The following SLC44A5 variants were observed in gnomAD, a reference collection of about 807,000 sequenced individuals.
The protein encoded by SLC44A5 is solute carrier family 44 member 5.
SLC44A5 carries 57 observed loss-of-function variants against 101.8 expected under a neutral mutation model. The observed-to-expected ratio is 0.56, with a 90% confidence interval of 0.45 to 0.70. The LOEUF (loss-of-function observed/expected upper bound fraction) is 0.70, where lower values mean the gene tolerates loss of function less well. SLC44A5 is among the 30% of genes least tolerant of loss of function. SLC44A5 has a pLI of 0.00. For synonymous variants in SLC44A5, 281 were observed against 290.9 expected (o/e 0.97, Z 0.35); for missense variants, 737 against 853.1 (o/e 0.86, Z 1.70).
At chr1:75,306,656 C>T (rs1259868750) in intron 4 of SLC44A5, among the ~76,000 whole-genome samples, 1 of 151,486 alleles carries the variant, frequency 6.6e-6, no homozygotes, top group African/African-American at 2.4e-5. Context: ...TATTCTCCAA[C>T]AACTGTCATT....
chr1:75,359,984 C>A (rs1348272620), intron 3 of SLC44A5, among the ~76,000 whole-genome samples: 1 of 152,122 alleles, frequency 6.6e-6, no homozygotes, highest in Non-Finnish European at 1.5e-5. Context: ...AATGTCTGTT[C>A]AGGTCCTTTC....
intron 2 of SLC44A5, among the ~76,000 whole-genome samples, chr1:75,475,225 T>C (rs1186300279): frequency 6.6e-6 from 1 of 152,226 alleles, no homozygotes; most frequent in African/African-American, 2.4e-5. Flanking sequence ...ATGTCCTCTT[T>C]CTAGATGTCC....
chr1:75,250,543 G>T (rs1649482887), intron 7 of SLC44A5, among the ~76,000 whole-genome samples: 1 of 152,118 alleles, frequency 6.6e-6, no homozygotes, highest in Admixed American at 6.6e-5. Flanking sequence ...GGGTCAAATG[G>T]TATTTCTGTC....
intron 6 of SLC44A5, among the ~76,000 whole-genome samples, chr1:75,255,678 C>T (rs1268334404): frequency 6.6e-6 from 1 of 152,034 alleles, no homozygotes; most frequent in African/African-American, 2.4e-5. Context: ...GATTAAAGGA[C>T]TTACTAAGGA....
the SLC44A5 span, among the ~76,000 whole-genome samples, chr1:75,646,689 T>A: frequency 6.6e-6 from 1 of 152,134 alleles, no homozygotes; most frequent in Non-Finnish European, 1.5e-5. Context: ...AGGGGCTTTT[T>A]CCCCTTTTGC....
At chr1:75,295,736 T>C (rs945995470) in intron 5 of SLC44A5, among the ~76,000 whole-genome samples, 1 of 152,140 alleles carries the variant, frequency 6.6e-6, no homozygotes, top group Non-Finnish European at 1.5e-5. Context: ...AGATGAGCAA[T>C]GGACTATGAA....
chr1:75,420,119 C>T (rs1330288741), intron 2 of SLC44A5, among the ~76,000 whole-genome samples: 1 of 151,976 alleles, frequency 6.6e-6, no homozygotes, highest in African/African-American at 2.4e-5. Flanking sequence ...CCTATGAAAA[C>T]ACAGTGAGAA....
chr1:75,314,048 T>C (rs748683104), intron 4 of SLC44A5, among the ~76,000 whole-genome samples: 1 of 152,230 alleles, frequency 6.6e-6, no homozygotes, highest in East Asian at 1.9e-4. Context: ...TTAATTTCCC[T>C]TAAATGTATT....
intron 23 of SLC44A5, among the ~76,000 whole-genome samples, chr1:75,206,894 A>G (rs992348143): frequency 1.7e-4 from 26 of 152,054 alleles, no homozygotes; most frequent in African/African-American, 6.3e-4. Context: ...AGAAACCTCA[A>G]CCTCTGCCAG....
At chr1:75,665,019 A>G in the SLC44A5 span, among the ~76,000 whole-genome samples, 15 of 152,152 alleles carry the variant, frequency 9.9e-5, no homozygotes, top group Admixed American at 9.8e-4. Flanking sequence ...TATTATTAAA[A>G]TGGCCATACT....
intron 6 of SLC44A5, among the ~76,000 whole-genome samples, chr1:75,272,628 C>A (rs1274370220): frequency 6.6e-6 from 1 of 152,006 alleles, no homozygotes; most frequent in Non-Finnish European, 1.5e-5. Flanking sequence ...TTTCCTAGCA[C>A]CATTTATTGA....
At chr1:75,479,010 T>C (rs1363522105) in intron 2 of SLC44A5, among the ~76,000 whole-genome samples, 1 of 152,188 alleles carries the variant, frequency 6.6e-6, no homozygotes, top group Non-Finnish European at 1.5e-5. Context: ...AGTAAAGCTG[T>C]CCTCAGCAAA....
intron 5 of SLC44A5, among the ~76,000 whole-genome samples, chr1:75,298,755 T>C (rs1654193170): frequency 6.6e-6 from 1 of 152,190 alleles, no homozygotes; most frequent in African/African-American, 2.4e-5. Flanking sequence ...GCCATGGAAA[T>C]AATATTGTAA....
the SLC44A5 span, among the ~76,000 whole-genome samples, chr1:75,711,848 G>A: frequency 6.6e-6 from 1 of 152,160 alleles, no homozygotes; most frequent in African/African-American, 2.4e-5. Context: ...TTGTCTCTCA[G>A]GCATCTCCTT....
intron 2 of SLC44A5, among the ~76,000 whole-genome samples, chr1:75,484,605 G>A (rs532921432): frequency 3.3e-5 from 5 of 152,294 alleles, no homozygotes; most frequent in African/African-American, 1.2e-4. Flanking sequence ...CCATTCTAGG[G>A]TCTGGAGGAT....
intron 14 of SLC44A5, among the ~76,000 whole-genome samples, chr1:75,220,262 G>T (rs1466670560): frequency 2.6e-5 from 4 of 152,020 alleles, no homozygotes; most frequent in Non-Finnish European, 5.9e-5. Context: ...ACTAATTCAA[G>T]AATCCCCTAT....
chr1:75,629,437 G>A, the SLC44A5 span, among the ~76,000 whole-genome samples: 8 of 152,140 alleles, frequency 5.3e-5, no homozygotes, highest in Non-Finnish European at 8.8e-5. Context: ...TCAGTGTAAT[G>A]AATATAAACT....
intron 2 of SLC44A5, among the ~76,000 whole-genome samples, chr1:75,499,350 A>ACTGC (rs1248793828): frequency 6.6e-6 from 1 of 152,210 alleles, no homozygotes; most frequent in Non-Finnish European, 1.5e-5. Context: ...TGCAGTTCAC[A>ACTGC]ACAGGGTTTG....
chr1:75,233,870 A>T, intron 12 of SLC44A5, 116 bp downstream of exon 12: 1 of 745,486 alleles, frequency 1.3e-6, no homozygotes, highest in Non-Finnish European at 2.2e-6. Flanking sequence ...AGCTTTTTTG[A>T]GGGTAAAGAA....
Sources: gnomAD v4.1 joint callset for allele counts (sites outside exome capture counted in the v4.1 genomes callset) on GRCh38, gnomAD v4.1.1 for gene constraint, MANE v1.5 for transcripts, NCBI Gene and HGNC (gene_info 2026-07-23, HGNC 2026-07-21) for gene names.